CACNA2D2: variants seen among roughly 807,000 people sequenced by gnomAD.
CACNA2D2 encodes the protein calcium voltage-gated channel auxiliary subunit alpha2delta 2, also known as voltage-dependent calcium channel subunit alpha-2/delta-2.
Under a neutral mutation model 166.4 loss-of-function variants are expected in CACNA2D2, and 48 were observed. That is an observed-to-expected ratio of 0.29 (90% confidence interval 0.23 to 0.37). The LOEUF is 0.37. Ranked by LOEUF, CACNA2D2 falls within the 10% of genes least tolerant of loss-of-function variation. The probability of loss-of-function intolerance (pLI) is 1.00; values close to 1 mark genes in which losing one functional copy is unlikely to be tolerated. For missense variants in CACNA2D2, 1,122 were observed against 1,433.0 expected, an observed-to-expected ratio of 0.78 and a Z score of 3.50; for synonymous variants, 561 against 573.7, an observed-to-expected ratio of 0.98 and a Z score of 0.32.
chr3:50,469,541 G>A lies in CACNA2D2; in HGVS notation c.288+6577C>T, dbSNP rs576662278. On this transcript the variant is annotated intron_variant, in intron 2 of 37. Transcript: ENST00000424201. ...GCAATTGACAGTGGTTGTGGGGGTG[G>A]AGATGGGACAAAGACACCCCACACT... Among the ~76,000 whole-genome samples, 4 of 152,268 alleles carry A rather than the reference G, an allele frequency of 2.6e-5. No individual in the cohort carries two copies. The South Asian group carries it at 8.3e-4, about 32-fold the overall frequency.
intron 6 of CACNA2D2, among the ~76,000 whole-genome samples, chr3:50,383,206 C>A (rs1052627828): frequency 6.6e-6 from 1 of 152,172 alleles, no homozygotes; most frequent in Admixed American, 6.5e-5. Context: ...AGGTGGCCTG[C>A]GGGCAGCCTG....
intron 22 of CACNA2D2, chr3:50,372,924 A>G: frequency 1.5e-6 from 1 of 667,192 alleles, no homozygotes; most frequent in Non-Finnish European, 2.6e-6. Context: ...AAAGGCAAGA[A>G]CTAGAGGAGC....
chr3:50,491,560 G>A (rs920759533), intron 1 of CACNA2D2, among the ~76,000 whole-genome samples: 6 of 152,184 alleles, frequency 3.9e-5, no homozygotes, highest in Non-Finnish European at 8.8e-5. Flanking sequence ...GAGTGGGGCG[G>A]AAAAAGGAGA....
chr3:50,455,205 C>T (rs1709296201), intron 2 of CACNA2D2, among the ~76,000 whole-genome samples: 1 of 152,246 alleles, frequency 6.6e-6, no homozygotes, highest in East Asian at 1.9e-4. Flanking sequence ...CCCCAAGCCA[C>T]ACATACTCGG....
chr3:50,467,111 A>C (rs1575734496), intron 2 of CACNA2D2, among the ~76,000 whole-genome samples: 1 of 151,994 alleles, frequency 6.6e-6, no homozygotes, highest in Non-Finnish European at 1.5e-5. Context: ...GCTCCTTGCT[A>C]CCCTAGCCTG....
At chr3:50,391,035 G>A (rs1233414170) in intron 4 of CACNA2D2, among the ~76,000 whole-genome samples, 3 of 152,342 alleles carry the variant, frequency 2.0e-5, no homozygotes, top group Non-Finnish European at 1.5e-5. Flanking sequence ...GCCGTCTGTC[G>A]CTGGCTTGGC....
chr3:50,367,105 CA>C lies in CACNA2D2; in HGVS notation c.2405del (p.Leu802ArgfsTer2). The C allele has an allele frequency of 6.2e-7, 1 of 1,613,076 alleles. No homozygotes were observed. The highest frequency in any genetic ancestry group is 8.5e-7 in the Non-Finnish European group (1 of 1,179,728). ...YVFKPPHQDALLRPLELENDT... is the reference protein window; with the variant it reads ...YVFKPPHQDAXLRPLELENDT... ...CATTCTCCAGCTCCAGCGGCCTTAA[CA>C]GGGCTGGGGGTTGGGTGGGGAAGTC... On this transcript the variant is annotated frameshift_variant, in exon 28 of 38. Transcript: ENST00000424201. LOFTEE classifies it high-confidence loss of function. The surrounding 1 kb of genome is among the most constrained non-coding windows in gnomAD (Gnocchi z 6.5).
Position 50,364,673 on chromosome 3 carries a change from C to A in CACNA2D2, c.3425G>T (p.Arg1142Leu). Residue 1142 changes from arginine to leucine, a missense_variant, in exon 38 of 38, where the codon CGC becomes CTC. Physicochemically the swap from Arg to Leu is moderately radical, Grantham distance 102 (BLOSUM62 -2). Transcript: ENST00000424201. ...QPQVLVHASR[R>L]L is the part of the protein sequence containing the mutation. ...TGGGGTGGGGCAGGGTGCTCAGAGG[C>A]GGCGAGAGGCGTGGACGAGGACTTG... is the stretch of plus-strand genomic sequence containing the variant. The A allele has an allele frequency of 6.6e-7, 1 of 1,525,164 alleles. No homozygotes were observed. The allele number at this position is 1,525,164 out of a possible 1,614,324, so 94.5% of individuals were successfully genotyped here.
At chr3:50,409,079 C>A (rs750842716) in intron 3 of CACNA2D2, among the ~76,000 whole-genome samples, 1 of 152,090 alleles carries the variant, frequency 6.6e-6, no homozygotes, top group Non-Finnish European at 1.5e-5. Flanking sequence ...AGTGATGGAT[C>A]CACACTGGAT....
intron 2 of CACNA2D2, among the ~76,000 whole-genome samples, chr3:50,466,843 C>T (rs1240844919): frequency 6.6e-6 from 1 of 152,234 alleles, no homozygotes; most frequent in Non-Finnish European, 1.5e-5. Flanking sequence ...TTGGGCCTGC[C>T]AGAGATTCCT....
upstream of CACNA2D2, chr3:50,504,242 C>T (rs1311779480): frequency 5.3e-5 from 8 of 152,340 alleles, no homozygotes; most frequent in Admixed American, 2.0e-4. Flanking sequence ...CCACTCGCTT[C>T]GCTTCCCTGG....
chr3:50,410,643 A>T (rs1706964735), intron 3 of CACNA2D2, among the ~76,000 whole-genome samples: 2 of 152,132 alleles, frequency 1.3e-5, no homozygotes, highest in Non-Finnish European at 2.9e-5. Flanking sequence ...CCAGAGTCCT[A>T]TGTTGCTCTC....
In CACNA2D2 at chr3:50,370,396, G is replaced by A; in HGVS notation, c.1985-16C>T. The A allele has an allele frequency of 3.8e-6, 6 of 1,558,480 alleles. No homozygotes were observed. The highest frequency in any genetic ancestry group is 4.4e-6 in the Non-Finnish European group (5 of 1,148,644). ...AACTCAAAATCTGCAACAGAAACGG[G>A]GGGTTATCCGGCGGGGGCTGGGGAG... On this transcript the variant is annotated splice_polypyrimidine_tract_variant and intron_variant, in intron 22 of 37. Coordinates refer to ENST00000424201, the MANE Select transcript of CACNA2D2 (RefSeq NM_006030.4).
intron 14 of CACNA2D2, 66 bp from the exon 15 acceptor site, chr3:50,378,163 A>C: frequency 1.9e-6 from 3 of 1,586,618 alleles, no homozygotes; most frequent in Non-Finnish European, 2.6e-6. Flanking sequence ...CTGTCTCGCC[A>C]GGCATTGGGA....
At chr3:50,446,823 C>T (rs923936656) in intron 2 of CACNA2D2, among the ~76,000 whole-genome samples, 2 of 152,156 alleles carry the variant, frequency 1.3e-5, no homozygotes. Flanking sequence ...GAGCCAAGGA[C>T]AGTTCTGAGC....
At chr3:50,412,514 G>C (rs1266691806) in intron 3 of CACNA2D2, among the ~76,000 whole-genome samples, 1 of 151,694 alleles carries the variant, frequency 6.6e-6, no homozygotes, top group Non-Finnish European at 1.5e-5. Context: ...CTTGCTCCCA[G>C]GTCTCGTGCA....
chr3:50,364,954 C>A lies in CACNA2D2; in HGVS notation c.3225G>T (p.Gln1075His). 1.2e-6 allele frequency: 2 copies of A among 1,613,024 alleles called. No homozygotes were observed. The highest frequency in any genetic ancestry group is 1.7e-6 in the Non-Finnish European group (2 of 1,179,838). Residue 1075 changes from glutamine (Q) to histidine (H), a missense_variant, in exon 37 of 38, where the codon CAG becomes CAT. Gln to His is a conservative substitution (Grantham distance 24). Transcript: ENST00000424201. Reference protein sequence around the residue: ...QKETHSDGPEQCELVQRPRYR... With the variant: ...QKETHSDGPEHCELVQRPRYR... ...ATCGCGGTCTCTGCACTAGCTCACA[C>A]TGCTCCGGGCCGTCCGCTGGGCATG...
At position 50,365,982 on chromosome 3, in the gene CACNA2D2, C is replaced by T; in HGVS notation, c.2862+29G>A. 2 of 1,610,682 alleles carry T rather than the reference C, an allele frequency of 1.2e-6. No individual in the cohort carries two copies. The highest frequency in any genetic ancestry group is 1.7e-5 in the Admixed American group (1 of 59,952). On this transcript the variant is annotated intron_variant, in intron 32 of 37. Coordinates refer to ENST00000424201, the MANE Select transcript of CACNA2D2 (RefSeq NM_006030.4). The surrounding 1 kb of genome is among the most constrained non-coding windows in gnomAD (Gnocchi z 4.5). ...GGGCAGGTCTCCCAGTCCCCCCCAT[C>T]TCCAGTCCAGGCATCTCTGGGGACT... is the stretch of plus-strand genomic sequence containing the variant.
chr3:50,377,865 C>G (rs1393807726), intron 15 of CACNA2D2, 62 bp from the exon 16 acceptor site: 1 of 1,525,090 alleles, frequency 6.6e-7, no homozygotes. Flanking sequence ...CCTGAGTGTT[C>G]AGAGCAGGGA....
Sources: allele counts gnomAD v4.1 joint callset (sites outside exome capture counted in the v4.1 genomes callset), GRCh38; gene constraint gnomAD v4.1.1; non-coding constraint Gnocchi (gnomAD v3.1); transcripts MANE v1.5; gene names NCBI Gene and HGNC (gene_info 2026-07-23, HGNC 2026-07-21).